Variants in EPHA5 observed in about 807,000 individuals in gnomAD.
The protein encoded by EPHA5 is ephrin type-A receptor 5.
In EPHA5, 60 loss-of-function variants were observed where a neutral mutation model predicts 105.0. The ratio of observed to expected loss-of-function variants is 0.57; its 90% confidence interval spans 0.46 to 0.71. EPHA5 has a LOEUF of 0.71. Ranked by LOEUF, EPHA5 falls within the 30% of genes least tolerant of loss-of-function variation. The pLI is 0.00. For missense variants in EPHA5, 1,218 were observed against 1,274.7 expected (o/e 0.96, Z 0.68); for synonymous variants, 513 against 449.1 (o/e 1.14, Z -1.80).
chr4:65,621,836 T>A (rs950386964), intron 2 of EPHA5, among the ~76,000 whole-genome samples: 2 of 152,102 alleles, frequency 1.3e-5, no homozygotes, highest in African/African-American at 2.4e-5. Flanking sequence ...GCTGTATACA[T>A]CTGCATCCCT....
chr4:65,609,719 A>G (rs1379645064), intron 2 of EPHA5, among the ~76,000 whole-genome samples: 3 of 151,936 alleles, frequency 2.0e-5, no homozygotes, highest in Non-Finnish European at 4.4e-5. Context: ...TTCCTTTAAC[A>G]ATTATCCAAG....
chr4:65,615,379 G>T (rs1745141314), intron 2 of EPHA5, among the ~76,000 whole-genome samples: 1 of 151,774 alleles, frequency 6.6e-6, no homozygotes. Flanking sequence ...AAACATTTTT[G>T]AAAATTTTGA....
At chr4:65,325,390 A>G (rs1719978702) in intron 16 of EPHA5, among the ~76,000 whole-genome samples, 1 of 151,498 alleles carries the variant, frequency 6.6e-6, no homozygotes, top group Non-Finnish European at 1.5e-5. Flanking sequence ...TTTCCAAAAT[A>G]GTATTTTAGT....
intron 5 of EPHA5, among the ~76,000 whole-genome samples, chr4:65,464,985 G>A (rs988846842): frequency 6.6e-6 from 1 of 152,028 alleles, no homozygotes; most frequent in Non-Finnish European, 1.5e-5. Context: ...TTATAGCATA[G>A]TAGAAGAGAC....
chr4:65,523,795 T>A (rs1027029220), intron 3 of EPHA5, among the ~76,000 whole-genome samples: 2 of 151,922 alleles, frequency 1.3e-5, no homozygotes, highest in African/African-American at 4.8e-5. Context: ...ACTAAGAGAT[T>A]TGAATACATA....
intron 5 of EPHA5, among the ~76,000 whole-genome samples, chr4:65,432,256 T>C (rs1725046995): frequency 6.6e-6 from 1 of 152,168 alleles, no homozygotes; most frequent in Non-Finnish European, 1.5e-5. Context: ...ATAAATATCA[T>C]TTTAATTTGC....
chr4:65,531,495 C>G (rs142960983), intron 3 of EPHA5, among the ~76,000 whole-genome samples: 353 of 144,272 alleles, frequency 2.4e-3, no homozygotes, highest in Admixed American at 6.7e-3. Context: ...GGAATCTGAT[C>G]ATAAAGAGGA....
chr4:65,558,618 G>T (rs915456642), intron 3 of EPHA5, among the ~76,000 whole-genome samples: 3 of 152,072 alleles, frequency 2.0e-5, no homozygotes, highest in Admixed American at 1.3e-4. Context: ...ATGTATACAT[G>T]TGTCATGTTG....
intron 3 of EPHA5, among the ~76,000 whole-genome samples, chr4:65,510,853 C>T (rs1011690496): frequency 6.6e-6 from 1 of 152,130 alleles, no homozygotes; most frequent in African/African-American, 2.4e-5. Flanking sequence ...TAGGTAATTC[C>T]AAAAAGCTGT....
At chr4:65,568,986 A>G (rs910196870) in intron 3 of EPHA5, among the ~76,000 whole-genome samples, 16 of 151,208 alleles carry the variant, frequency 1.1e-4, no homozygotes, top group African/African-American at 3.4e-4. Flanking sequence ...TTAAAGCATA[A>G]TAACAGAGAA....
intron 3 of EPHA5, among the ~76,000 whole-genome samples, chr4:65,529,092 A>G (rs1735519757): frequency 6.6e-6 from 1 of 152,218 alleles, no homozygotes. Flanking sequence ...TGCATAGTGA[A>G]TGTAATAAAT....
chr4:65,532,188 C>T (rs1351351574), intron 3 of EPHA5, among the ~76,000 whole-genome samples: 4 of 151,914 alleles, frequency 2.6e-5, no homozygotes, highest in African/African-American at 7.2e-5. Flanking sequence ...TTTTTGACAA[C>T]GAGTACTCTT....
chr4:65,500,613 A>G (rs1732391876), intron 3 of EPHA5, among the ~76,000 whole-genome samples: 4 of 151,094 alleles, frequency 2.6e-5, no homozygotes, highest in Admixed American at 2.0e-4. Flanking sequence ...ATTTCTTTTA[A>G]TGTCTCCAAT....
chr4:65,578,545 T>C (rs1320858844), intron 3 of EPHA5, among the ~76,000 whole-genome samples: 1 of 152,190 alleles, frequency 6.6e-6, no homozygotes, highest in Non-Finnish European at 1.5e-5. Flanking sequence ...GTGTAGAATG[T>C]TGACAGTAAT....
At chr4:65,403,690 C>T (rs571207867) in intron 8 of EPHA5, among the ~76,000 whole-genome samples, 72 of 151,946 alleles carry the variant, frequency 4.7e-4, no homozygotes, top group African/African-American at 1.7e-3. Flanking sequence ...TATCAGAAAG[C>T]ACCTAGAATA....
chr4:65,484,250 G>A (rs529924137), intron 5 of EPHA5, among the ~76,000 whole-genome samples: 1 of 152,206 alleles, frequency 6.6e-6, no homozygotes, highest in African/African-American at 2.4e-5. Flanking sequence ...AATGGTCTCT[G>A]AAATTTCCCG....
At chr4:65,644,513 G>T (rs1172668125) in intron 1 of EPHA5, among the ~76,000 whole-genome samples, 2 of 151,992 alleles carry the variant, frequency 1.3e-5, no homozygotes, top group East Asian at 3.9e-4. Flanking sequence ...CCAGTATCTT[G>T]AAATGCTACC....
chr4:65,355,794 G>T (rs983193441), intron 11 of EPHA5, among the ~76,000 whole-genome samples: 1 of 151,446 alleles, frequency 6.6e-6, no homozygotes, highest in Non-Finnish European at 1.5e-5. Context: ...GGGCAACTCC[G>T]GCATCAGTTT....
intron 1 of EPHA5, among the ~76,000 whole-genome samples, chr4:65,664,104 C>T (rs1387166891): frequency 6.6e-6 from 1 of 151,936 alleles, no homozygotes; most frequent in South Asian, 2.1e-4. Context: ...TCTGGAAAGT[C>T]AGAAACTAAA....
Sources: allele counts gnomAD v4.1 joint callset (sites outside exome capture counted in the v4.1 genomes callset), GRCh38; gene constraint gnomAD v4.1.1; transcripts MANE v1.5; gene names NCBI Gene and HGNC (gene_info 2026-07-23, HGNC 2026-07-21).